The following C7orf33 variants were observed in gnomAD, a reference collection of about 807,000 sequenced individuals.
C7orf33 encodes the protein chromosome 7 open reading frame 33, also known as uncharacterized protein C7orf33.
C7orf33 carries 15 observed loss-of-function variants against 13.4 expected under a neutral mutation model. The observed-to-expected ratio is 1.12, with a 90% CI of 0.75 to 1.72. The LOEUF (loss-of-function observed/expected upper bound fraction) is 1.72. Among genes scored for constraint, C7orf33 ranks in the 40% most tolerant of loss-of-function variants. The pLI, the probability that C7orf33 is intolerant of heterozygous loss-of-function variation, is 0.00. For missense variants in C7orf33, 187 were observed against 220.3 expected, an observed-to-expected ratio of 0.85 and a Z score of 0.96; for synonymous variants, 73 against 83.2, an observed-to-expected ratio of 0.88 and a Z score of 0.67.
At chr7:148,596,780 C>T (rs1796344359) in intron 1 of C7orf33, among the ~76,000 whole-genome samples, 2 of 152,104 alleles carry the variant, frequency 1.3e-5, no homozygotes, top group Admixed American at 6.6e-5. Flanking sequence ...ATCCTCTGTG[C>T]TCCATCTGTT....
At chr7:148,606,519 C>T (rs533324935) in intron 1 of C7orf33, among the ~76,000 whole-genome samples, 1 of 152,162 alleles carries the variant, frequency 6.6e-6, no homozygotes, top group Non-Finnish European at 1.5e-5. Context: ...AAATATGCAG[C>T]AGACACAAAA....
chr7:148,605,104 C>T (rs539992116), intron 1 of C7orf33, among the ~76,000 whole-genome samples: 257 of 152,236 alleles, frequency 1.7e-3, no homozygotes, highest in Middle Eastern at 3.4e-3. Context: ...TGGTGGCACA[C>T]ACCTGTAGTC....
chr7:148,609,059 G>A (rs1318630979), intron 1 of C7orf33, among the ~76,000 whole-genome samples: 2 of 148,674 alleles, frequency 1.3e-5, no homozygotes, highest in African/African-American at 5.0e-5. Context: ...GTTTTCATGT[G>A]TGTGAAATAG....
intron 1 of C7orf33, among the ~76,000 whole-genome samples, chr7:148,592,895 C>T (rs1396344644): frequency 4.6e-5 from 7 of 152,284 alleles, no homozygotes; most frequent in African/African-American, 1.7e-4. Context: ...GGCTGAAGTG[C>T]AATGGCACGA....
intron 1 of C7orf33, among the ~76,000 whole-genome samples, chr7:148,611,197 G>A (rs1283706509): frequency 6.6e-6 from 1 of 152,170 alleles, no homozygotes; most frequent in Non-Finnish European, 1.5e-5. Context: ...GGGTAGAGAA[G>A]GGCCAGGTCC....
Position 148,591,144 on chromosome 7 carries a change from C to A in C7orf33, c.204+15C>A. On this transcript the variant is annotated intron_variant, in intron 1 of 2. Transcript: ENST00000307003. Reference sequence around the variant, plus strand: ...GAAGACATAAGGTAAGTTAATGATTCTAAGATGAATCAACTGCTCTTTGAG... The same window carrying A: ...GAAGACATAAGGTAAGTTAATGATTATAAGATGAATCAACTGCTCTTTGAG... 1 of 1,596,264 alleles carries A rather than the reference C, an allele frequency of 6.3e-7. No homozygotes were observed. Among genetic ancestry groups the A allele is most frequent in the South Asian group, 1.1e-5 (1 of 90,410 alleles).
At chr7:148,611,337 T>C (rs969829063) in intron 1 of C7orf33, among the ~76,000 whole-genome samples, 4 of 152,132 alleles carry the variant, frequency 2.6e-5, no homozygotes, top group African/African-American at 9.7e-5. Context: ...TGTACCCATA[T>C]AAACCCAAGA....
At chr7:148,613,945 A>G (rs1796573738) in intron 1 of C7orf33, 97 bp from the exon 2 acceptor site, 5 of 1,261,132 alleles carry the variant, frequency 4.0e-6, no homozygotes, top group Non-Finnish European at 5.6e-6. Flanking sequence ...ACAGCTACTT[A>G]GTAGCCTCAA....
chr7:148,610,238 G>A (rs886130879), intron 1 of C7orf33, among the ~76,000 whole-genome samples: 2 of 152,190 alleles, frequency 1.3e-5, no homozygotes, highest in Non-Finnish European at 2.9e-5. Flanking sequence ...TTGATCCTGG[G>A]TGTGTCTGTC....
chr7:148,611,316 G>A (rs890224456), intron 1 of C7orf33, among the ~76,000 whole-genome samples: 1 of 152,084 alleles, frequency 6.6e-6, no homozygotes, highest in African/African-American at 2.4e-5. Flanking sequence ...GGCCAACCAA[G>A]CCCCCCATCC....
At chr7:148,603,234 G>A (rs1796436408) in intron 1 of C7orf33, among the ~76,000 whole-genome samples, 1 of 152,222 alleles carries the variant, frequency 6.6e-6, no homozygotes, top group East Asian at 1.9e-4. Context: ...GTCTTGCTCA[G>A]GATGGGGGAA....
chr7:148,591,136 TA>T lies in C7orf33; in HGVS notation c.204+9del, dbSNP rs1796264637. ...TGCCACGGGAAGACATAAGGTAAGT[TA>T]ATGATTCTAAGATGAATCAACTGCT... On this transcript the variant is annotated splice_region_variant and intron_variant, in intron 1 of 2. Transcript: ENST00000307003. 6.2e-7 allele frequency: 1 copy of T among 1,608,124 alleles called. No individual in the cohort carries two copies. Among genetic ancestry groups the T allele is most frequent in the Admixed American group, 1.7e-5 (1 of 59,844 alleles).
At chr7:148,597,187 C>T (rs1796349796) in intron 1 of C7orf33, among the ~76,000 whole-genome samples, 1 of 150,404 alleles carries the variant, frequency 6.6e-6, no homozygotes, top group Admixed American at 6.6e-5. Context: ...TATATATATA[C>T]ACATATATAT....
At chr7:148,595,469 G>T (rs1796322269) in intron 1 of C7orf33, among the ~76,000 whole-genome samples, 1 of 120,878 alleles carries the variant, frequency 8.3e-6, no homozygotes. Flanking sequence ...CTATATATAT[G>T]CTATTATATA....
Position 148,594,546 on chromosome 7 carries a change from A to C in C7orf33, c.204+3417A>C, listed in dbSNP as rs150894786. On this transcript the variant is annotated intron_variant, in intron 1 of 2. Transcript: ENST00000307003. ...AATGCAAAAACAGCCTAATACAAGA[A>C]GTAAGAGGAAAGATGATACCAACTT... Among the ~76,000 whole-genome samples, 362 of 152,264 alleles carry C rather than the reference A, an allele frequency of 2.4e-3. 2 individuals carry two copies. The highest frequency in any genetic ancestry group is 0.017 in the Admixed American group (266 of 15,284).
chr7:148,600,866 G>C (rs1171303193), intron 1 of C7orf33, among the ~76,000 whole-genome samples: 2 of 142,914 alleles, frequency 1.4e-5, no homozygotes, highest in African/African-American at 5.3e-5. Context: ...GCAGTGGCGT[G>C]ATCTCGGCTC....
At chr7:148,602,797 T>G (rs1796431133) in intron 1 of C7orf33, among the ~76,000 whole-genome samples, 1 of 152,182 alleles carries the variant, frequency 6.6e-6, no homozygotes, top group African/African-American at 2.4e-5. Flanking sequence ...AAAGATAAAC[T>G]GTTGTATTAA....
chr7:148,613,017 GT>G (rs1554449771), intron 1 of C7orf33, among the ~76,000 whole-genome samples: 1 of 152,032 alleles, frequency 6.6e-6, no homozygotes, highest in Non-Finnish European at 1.5e-5. Context: ...CTCTCTTCTA[GT>G]TTTTTGAGAA....
intron 1 of C7orf33, among the ~76,000 whole-genome samples, chr7:148,612,844 T>C (rs1585467234): frequency 1.3e-5 from 2 of 151,776 alleles, no homozygotes; most frequent in Middle Eastern, 6.8e-3. Context: ...ATTAAACACA[T>C]ACTAGATCTT....
Sources: allele counts gnomAD v4.1 joint callset (sites outside exome capture counted in the v4.1 genomes callset), GRCh38; gene constraint gnomAD v4.1.1; transcripts MANE v1.5; gene names NCBI Gene and HGNC (gene_info 2026-07-23, HGNC 2026-07-21).